The following WIPF2 variants were observed in gnomAD, a reference collection of about 807,000 sequenced individuals.
The protein encoded by WIPF2 is WAS/WASL-interacting protein family member 2.
WIPF2 carries 23 observed loss-of-function variants against 38.8 expected under a neutral mutation model. The ratio of observed to expected loss-of-function variants is 0.59; its 90% confidence interval spans 0.43 to 0.84. The LOEUF is 0.84. WIPF2 is among the 40% of genes least tolerant of loss of function. The pLI, the probability that WIPF2 is intolerant of heterozygous loss-of-function variation, is 0.00. For synonymous variants in WIPF2, 210 were observed against 223.2 expected, an observed-to-expected ratio of 0.94 and a Z score of 0.53; for missense variants, 574 against 580.5, an observed-to-expected ratio of 0.99 and a Z score of 0.11.
At chr17:40,260,118 A>G (rs912927322) in intron 2 of WIPF2, among the ~76,000 whole-genome samples, 1 of 151,572 alleles carries the variant, frequency 6.6e-6, no homozygotes, top group Non-Finnish European at 1.5e-5. Context: ...GAGGTTAGAT[A>G]GACATCTCAT....
chr17:40,272,451 T>C (rs953800478), intron 5 of WIPF2, among the ~76,000 whole-genome samples: 5 of 152,222 alleles, frequency 3.3e-5, no homozygotes, highest in African/African-American at 4.8e-5. Context: ...GTGTTTGCAG[T>C]GTTTGAGCAA....
At chr17:40,242,120 A>C (rs959550050) in intron 1 of WIPF2, among the ~76,000 whole-genome samples, 2 of 152,194 alleles carry the variant, frequency 1.3e-5, no homozygotes, top group African/African-American at 4.8e-5. Context: ...TACAACTTCC[A>C]TTGAAACAGT....
intron 1 of WIPF2, among the ~76,000 whole-genome samples, chr17:40,235,358 C>T (rs1052083968): frequency 6.6e-6 from 1 of 152,100 alleles, no homozygotes; most frequent in African/African-American, 2.4e-5. Flanking sequence ...CTGTATCATT[C>T]GATTACCTTT....
rs71355445 is a variant in WIPF2, at chr17:40,282,111, C to CAAAAAAAAA, written c.*3901_*3909dup. On this transcript the variant is annotated 3_prime_UTR_variant, in exon 8 of 8. Transcript: ENST00000323571. ...CTACAACCACCATCAAAACCACACG[C>CAAAAAAAAA]AAAAAAAAAAAAAAAAAAAAAAAGG... 2.0e-5 allele frequency: 1 copy of CAAAAAAAAA among 51,134 alleles called. No homozygotes were observed. The allele number at this position is 51,134 out of a possible 1,614,324, so 3.2% of individuals were successfully genotyped here. A position where few individuals can be genotyped will look rare whatever the true frequency, so the allele number is the denominator to read the frequency against.
At chr17:40,244,612 A>C (rs773443287) in intron 1 of WIPF2, among the ~76,000 whole-genome samples, 2 of 152,124 alleles carry the variant, frequency 1.3e-5, no homozygotes, top group Non-Finnish European at 1.5e-5. Context: ...CTGTCGGTTC[A>C]TTTAGGTTTC....
chr17:40,259,430 C>T (rs1168308379), intron 2 of WIPF2, among the ~76,000 whole-genome samples: 1 of 149,130 alleles, frequency 6.7e-6, no homozygotes, highest in Non-Finnish European at 1.5e-5. Context: ...ATCTAAGACT[C>T]TGTCTTAAAA....
chr17:40,255,144 A>C (rs1282970933), intron 1 of WIPF2, among the ~76,000 whole-genome samples: 1 of 152,108 alleles, frequency 6.6e-6, no homozygotes, highest in African/African-American at 2.4e-5. Flanking sequence ...TGTTATCCAG[A>C]ATATACAAAG....
At position 40,267,560 on chromosome 17, in the gene WIPF2, G is replaced by A. The variant is rs185494540; in HGVS notation, c.970+2414G>A. Among the ~76,000 whole-genome samples, 122 of 152,254 alleles carry A rather than the reference G, an allele frequency of 8.0e-4. 1 individual carries two copies. The Middle Eastern group carries it at 0.01, about 13-fold the overall frequency. On this transcript the variant is annotated intron_variant, in intron 5 of 7. Coordinates refer to ENST00000323571, the MANE Select transcript of WIPF2 (RefSeq NM_133264.5). ...ATTTATTTGTTTGTTTGTGTTTTGA[G>A]ACAGAGCCTTGCTCTTTCGCCCAGG...
intron 1 of WIPF2, among the ~76,000 whole-genome samples, chr17:40,254,319 C>T (rs1006902317): frequency 1.3e-5 from 2 of 152,054 alleles, no homozygotes; most frequent in African/African-American, 4.8e-5. Flanking sequence ...GCCTGGCCTC[C>T]TAATCTTATT....
At chr17:40,234,305 T>A (rs1817222842) in intron 1 of WIPF2, among the ~76,000 whole-genome samples, 1 of 151,896 alleles carries the variant, frequency 6.6e-6, no homozygotes, top group African/African-American at 2.4e-5. Flanking sequence ...GGCGCATGCC[T>A]GTAGTCCCAG....
chr17:40,260,601 A>G lies in WIPF2; in HGVS notation c.130A>G (p.Ile44Val), dbSNP rs2031866364. ...QRGRGALLQD[I>V]CKGTKLKKVT... is the part of the protein sequence containing the mutation. ...GGGTCGAGGCGCCCTCTTACAGGAC[A>G]TTTGCAAAGGGACCAAGCTGAAGAA... Residue 44 changes from isoleucine (I) to valine (V), a missense_variant, in exon 3 of 8, where the codon ATT (isoleucine) becomes GTT (valine). By Grantham distance (29) the Ile-to-Val change is conservative (BLOSUM62 3). Transcript: ENST00000323571. 7 of 1,613,536 alleles carry G rather than the reference A, an allele frequency of 4.3e-6. No homozygotes were observed. Among genetic ancestry groups the G allele is most frequent in the Non-Finnish European group, 5.9e-6 (7 of 1,179,838 alleles).
intron 6 of WIPF2, among the ~76,000 whole-genome samples, chr17:40,275,240 C>CAAAA (rs58914738): frequency 2.7e-4 from 16 of 60,150 alleles, no homozygotes; most frequent in East Asian, 8.0e-4. Context: ...GACTCCGTCT[C>CAAAA]AAAAAAAAAA....
At chr17:40,224,406 AT>A (rs67838907) in intron 1 of WIPF2, among the ~76,000 whole-genome samples, 449 of 89,106 alleles carry the variant, frequency 5.0e-3, no homozygotes, top group South Asian at 0.019. Context: ...GATTTTTTGT[AT>A]TTTTTTTTTT....
intron 1 of WIPF2, among the ~76,000 whole-genome samples, chr17:40,227,408 C>T (rs1697221936): frequency 6.6e-6 from 1 of 152,034 alleles, no homozygotes; most frequent in Admixed American, 6.6e-5. Context: ...AGGATGGTGG[C>T]CATGGAAGTC....
chr17:40,226,895 C>T (rs1462154687), intron 1 of WIPF2, among the ~76,000 whole-genome samples: 2 of 151,950 alleles, frequency 1.3e-5, no homozygotes, highest in Admixed American at 6.6e-5. Context: ...GTGCACGCCA[C>T]CATGCCCAAC....
intron 1 of WIPF2, among the ~76,000 whole-genome samples, chr17:40,224,174 C>G: frequency 6.8e-6 from 1 of 147,544 alleles, no homozygotes; most frequent in Non-Finnish European, 1.5e-5. Context: ...TATGGAGGCT[C>G]GGTGCTCCTG....
intron 1 of WIPF2, among the ~76,000 whole-genome samples, chr17:40,229,210 C>A (rs185670960): frequency 3.2e-4 from 48 of 151,542 alleles, no homozygotes; most frequent in African/African-American, 1.1e-3. Context: ...CTCCCGGGTT[C>A]AAGCGATTCT....
chr17:40,254,489 A>T (rs979227512), intron 1 of WIPF2, among the ~76,000 whole-genome samples: 1 of 152,102 alleles, frequency 6.6e-6, no homozygotes, highest in African/African-American at 2.4e-5. Flanking sequence ...TTTCCTTAAA[A>T]TGGCTTTGTG....
chr17:40,235,992 T>A (rs2030953953), intron 1 of WIPF2, among the ~76,000 whole-genome samples: 1 of 151,060 alleles, frequency 6.6e-6, no homozygotes, highest in Non-Finnish European at 1.5e-5. Context: ...GGAGTCTTGC[T>A]CTGTCACCCA....
Sources: allele counts gnomAD v4.1 joint callset (sites outside exome capture counted in the v4.1 genomes callset), GRCh38; gene constraint gnomAD v4.1.1; transcripts MANE v1.5; gene names NCBI Gene and HGNC (gene_info 2026-07-23, HGNC 2026-07-21).